APBB2: variants seen among roughly 807,000 people sequenced by gnomAD.
APBB2 encodes amyloid beta precursor protein binding family B member 2.
In APBB2, 38 loss-of-function variants were observed where a neutral mutation model predicts 82.5. That is an observed-to-expected ratio of 0.46 (90% CI 0.36 to 0.60). The LOEUF is 0.60. APBB2 is among the 20% of genes least tolerant of loss of function. The pLI is 0.00. For missense variants in APBB2, 772 were observed against 972.3 expected, an observed-to-expected ratio of 0.79 and a Z score of 2.74; for synonymous variants, 341 against 368.2, an observed-to-expected ratio of 0.93 and a Z score of 0.85.
chr4:41,040,100 T>C lies in APBB2; in HGVS notation c.-50-6796A>G, dbSNP rs569564826. On this transcript the variant is annotated intron_variant, in intron 4 of 17. Coordinates refer to ENST00000508593, the MANE Select transcript of APBB2 (RefSeq NM_004307.2). Reference sequence around the variant, plus strand: ...AATGGAGCTAAAAACTATAATTATATAGAAAATTGTCTTTCTGACATTAGT... The same window carrying C: ...AATGGAGCTAAAAACTATAATTATACAGAAAATTGTCTTTCTGACATTAGT... Among the ~76,000 whole-genome samples the C allele has an allele frequency of 8.5e-5, 13 of 152,156 alleles. 1 individual carries two copies. The South Asian group carries it at 2.7e-3, about 32-fold the overall frequency.
intron 12 of APBB2, among the ~76,000 whole-genome samples, chr4:40,889,755 T>C (rs939671889): frequency 6.6e-6 from 1 of 152,174 alleles, no homozygotes; most frequent in Non-Finnish European, 1.5e-5. Flanking sequence ...TCATAACACA[T>C]CTAAGATGCA....
chr4:40,951,436 C>A (rs1237086442), intron 6 of APBB2, among the ~76,000 whole-genome samples: 3 of 152,248 alleles, frequency 2.0e-5, no homozygotes, highest in African/African-American at 7.2e-5. Context: ...TGGATTCATT[C>A]AAGATGCCTG....
intron 12 of APBB2, among the ~76,000 whole-genome samples, chr4:40,838,749 G>A (rs145309318): frequency 5.3e-5 from 8 of 152,112 alleles, no homozygotes; most frequent in African/African-American, 1.4e-4. Flanking sequence ...GATTACAGGC[G>A]TGAGCCACCA....
At chr4:41,181,345 G>C (rs969829840) in intron 1 of APBB2, among the ~76,000 whole-genome samples, 1 of 152,174 alleles carries the variant, frequency 6.6e-6, no homozygotes, top group Non-Finnish European at 1.5e-5. Context: ...AATGGGAGAC[G>C]ATGAAACTCA....
chr4:40,867,600 C>T (rs1578084572), intron 12 of APBB2, among the ~76,000 whole-genome samples: 1 of 152,156 alleles, frequency 6.6e-6, no homozygotes, highest in Non-Finnish European at 1.5e-5. Flanking sequence ...GAGTGAAGAT[C>T]AACTTGAATT....
chr4:41,073,952 A>G (rs544246147), intron 3 of APBB2, among the ~76,000 whole-genome samples: 39 of 152,300 alleles, frequency 2.6e-4, no homozygotes, highest in African/African-American at 8.7e-4. Context: ...CATCTCATCA[A>G]TTAAGCAGTC....
intron 10 of APBB2, among the ~76,000 whole-genome samples, chr4:40,929,563 T>C (rs1238679271): frequency 6.6e-6 from 1 of 152,096 alleles, no homozygotes; most frequent in East Asian, 1.9e-4. Context: ...CCTCCCAGAG[T>C]GCTGGGATTA....
At chr4:40,912,002 A>G (rs144578153) in intron 10 of APBB2, among the ~76,000 whole-genome samples, 47 of 152,298 alleles carry the variant, frequency 3.1e-4, no homozygotes, top group African/African-American at 1.1e-3. Context: ...AGCTTTGGAG[A>G]GTATGGTTTG....
At chr4:40,823,534 C>T (rs1374417909) in intron 16 of APBB2, 110 bp downstream of exon 16, 2 of 740,852 alleles carry the variant, frequency 2.7e-6, no homozygotes, top group East Asian at 2.6e-5. Context: ...ATCTTAATCA[C>T]AAGGATGCAC....
At chr4:40,982,104 G>C (rs903997193) in intron 6 of APBB2, among the ~76,000 whole-genome samples, 3 of 150,696 alleles carry the variant, frequency 2.0e-5, no homozygotes, top group Admixed American at 1.3e-4. Context: ...AAAATCGCTT[G>C]AACCCAGGAG....
At chr4:41,143,955 G>C (rs777835799) in intron 1 of APBB2, among the ~76,000 whole-genome samples, 38 of 152,194 alleles carry the variant, frequency 2.5e-4, no homozygotes, top group Non-Finnish European at 4.3e-4. Flanking sequence ...CAGGGCTTAA[G>C]GAAAAACAGT....
chr4:41,088,511 T>A (rs1247898770), intron 3 of APBB2, among the ~76,000 whole-genome samples: 3 of 152,212 alleles, frequency 2.0e-5, no homozygotes, highest in Non-Finnish European at 2.9e-5. Flanking sequence ...TTTTCAATTA[T>A]CCTGGGAAGA....
chr4:41,139,517 C>A (rs1758497245), intron 2 of APBB2, among the ~76,000 whole-genome samples: 1 of 152,068 alleles, frequency 6.6e-6, no homozygotes, highest in Non-Finnish European at 1.5e-5. Context: ...TTGGAAGCAA[C>A]CAAGATGTCC....
At chr4:41,017,035 C>G (rs1810173285) in intron 5 of APBB2, among the ~76,000 whole-genome samples, 1 of 151,816 alleles carries the variant, frequency 6.6e-6, no homozygotes, top group Non-Finnish European at 1.5e-5. Flanking sequence ...TAGCTGAGAC[C>G]ACAGGCGTAT....
intron 5 of APBB2, among the ~76,000 whole-genome samples, chr4:41,017,638 C>T (rs748418937): frequency 2.0e-5 from 3 of 148,736 alleles, no homozygotes; most frequent in East Asian, 3.8e-4. Context: ...CCACTTTGTA[C>T]GAGTTTATAA....
intron 2 of APBB2, among the ~76,000 whole-genome samples, chr4:41,112,064 T>C (rs1334358773): frequency 6.6e-6 from 1 of 151,934 alleles, no homozygotes; most frequent in Admixed American, 6.6e-5. Flanking sequence ...ATGGGCTGAG[T>C]TCCACAGCAA....
intron 6 of APBB2, among the ~76,000 whole-genome samples, chr4:40,984,895 A>G (rs920364043): frequency 1.6e-4 from 25 of 152,210 alleles, no homozygotes; most frequent in Admixed American, 1.2e-3. Context: ...TAGCATTTAC[A>G]TAACAGTTTT....
intron 6 of APBB2, among the ~76,000 whole-genome samples, chr4:40,990,532 G>A (rs993582610): frequency 6.6e-6 from 1 of 152,176 alleles, no homozygotes; most frequent in African/African-American, 2.4e-5. Flanking sequence ...AGGAAGGCAG[G>A]GAGAAACTCA....
chr4:40,942,192 G>A (rs896294719), intron 7 of APBB2, among the ~76,000 whole-genome samples: 1 of 152,146 alleles, frequency 6.6e-6, no homozygotes, highest in Admixed American at 6.5e-5. Flanking sequence ...GGAGAAACAC[G>A]TGTATTATGG....
Sources: gnomAD v4.1 joint callset for allele counts (sites outside exome capture counted in the v4.1 genomes callset) on GRCh38, gnomAD v4.1.1 for gene constraint, MANE v1.5 for transcripts, NCBI Gene and HGNC (gene_info 2026-07-23, HGNC 2026-07-21) for gene names.